Variants in SLC25A6 observed in about 807,000 individuals in gnomAD.
SLC25A6 encodes the protein solute carrier family 25 member 6.
Under a neutral mutation model 25.7 loss-of-function variants are expected in SLC25A6, and 9 were observed. That is an observed-to-expected ratio of 0.35 (90% CI 0.21 to 0.61). The LOEUF is 0.61. Ranked by LOEUF, SLC25A6 falls within the 20% of genes least tolerant of loss-of-function variation. The probability of loss-of-function intolerance (pLI) is 0.76; values close to 1 mark genes in which losing one functional copy is unlikely to be tolerated. For missense variants in SLC25A6, 404 were observed against 440.5 expected, an observed-to-expected ratio of 0.92 and a Z score of 0.74; for synonymous variants, 223 against 197.0, an observed-to-expected ratio of 1.13 and a Z score of -1.11.
At position 1,391,522 on chromosome X, in the gene SLC25A6, G is replaced by A. The variant is rs138754110; in HGVS notation, c.111+377C>T. Among the ~76,000 whole-genome samples the A allele has an allele frequency of 6.0e-4, 92 of 152,344 alleles. 2 individuals are homozygous for A. In the East Asian group the frequency reaches 0.017, roughly 28 times the overall value. ...CTTAGAATTACCCTTCACGGTGGAG[G>A]GAGCAAGAGCAGACACCTGCCAGGC... is the stretch of plus-strand genomic sequence containing the variant. On this transcript the variant is annotated intron_variant, in intron 1 of 3. Coordinates refer to ENST00000381401, the MANE Select transcript of SLC25A6 (RefSeq NM_001636.4).
At chrX:1,391,635 C>A (rs1174939635) in intron 1 of SLC25A6, among the ~76,000 whole-genome samples, 3 of 152,246 alleles carry the variant, frequency 2.0e-5, no homozygotes, top group African/African-American at 4.8e-5. Flanking sequence ...CGTCCATGGG[C>A]CCTGCTCAGC....
intron 2 of SLC25A6, among the ~76,000 whole-genome samples, chrX:1,388,464 T>C (rs1302275350): frequency 2.0e-5 from 3 of 151,692 alleles, no homozygotes; most frequent in African/African-American, 7.3e-5. Flanking sequence ...TGCCCACACC[T>C]GGATCTCAGA....
chrX:1,387,510 G>A, intron 2 of SLC25A6, 91 bp from the exon 3 acceptor site: 5 of 1,551,460 alleles, frequency 3.2e-6, no homozygotes, highest in East Asian at 2.3e-5. Context: ...GGCCCCCTGA[G>A]GTGGTGCCGA....
intron 2 of SLC25A6, among the ~76,000 whole-genome samples, chrX:1,387,701 C>T (rs1173289547): frequency 1.3e-5 from 2 of 152,222 alleles, no homozygotes; most frequent in Non-Finnish European, 2.9e-5. Context: ...GGGCCCTGAC[C>T]TTCTGAAGGG....
chrX:1,387,665 G>A (rs2089343560), intron 2 of SLC25A6, among the ~76,000 whole-genome samples: 1 of 152,228 alleles, frequency 6.6e-6, no homozygotes, highest in Non-Finnish European at 1.5e-5. Context: ...AGAGGCCGGG[G>A]TTAGGCCTGT....
chrX:1,386,478 A>C lies in SLC25A6; in HGVS notation c.*124T>G. On this transcript the variant is annotated 3_prime_UTR_variant, in exon 4 of 4. Coordinates refer to ENST00000381401, the MANE Select transcript of SLC25A6 (RefSeq NM_001636.4). The stretch of plus-strand genomic sequence containing the variant: ...GAGCCTTCCCCGGCCATCTACAGGC[A>C]GGATGCGGCTGGGAAAAAGACAACT... The C allele has an allele frequency of 8.0e-7, 1 of 1,254,174 alleles. No individual in the cohort carries two copies. Among genetic ancestry groups the C allele is most frequent in the East Asian group, 2.8e-5 (1 of 35,348 alleles). The allele number at this position is 1,254,174 out of a possible 1,614,324, so 77.7% of individuals were successfully genotyped here. A position where few individuals can be genotyped will look rare whatever the true frequency, so the allele number is the denominator to read the frequency against.
intron 2 of SLC25A6, among the ~76,000 whole-genome samples, chrX:1,388,353 G>A (rs1861691585): frequency 1.3e-5 from 2 of 148,562 alleles, no homozygotes; most frequent in Non-Finnish European, 3.0e-5. Context: ...CATCAGAAGA[G>A]GACACGAGGA....
intron 2 of SLC25A6, 68 bp downstream of exon 2, chrX:1,389,173 C>G (rs1179531976): frequency 7.4e-5 from 114 of 1,544,784 alleles, no homozygotes; most frequent in Non-Finnish European, 9.9e-5. Flanking sequence ...CTTCAGCCCA[C>G]AGGACCCTGG....
At chrX:1,386,857 C>T (rs2089331779) in intron 3 of SLC25A6, 98 bp from the exon 4 acceptor site, 2 of 1,397,068 alleles carry the variant, frequency 1.4e-6, no homozygotes, top group Non-Finnish European at 2.0e-6. Flanking sequence ...AATAACACCC[C>T]AGACGCCTGA....
Position 1,389,496 on chromosome X carries a change from C to T in SLC25A6, c.343G>A (p.Gly115Ser), listed in dbSNP as rs1336176854. 6.2e-7 allele frequency: 1 copy of T among 1,614,142 alleles called. No individual in the cohort carries two copies. ...KHTQFWRYFAGNLASGGAAGA... is the reference protein window; with the variant it reads ...KHTQFWRYFASNLASGGAAGA... ...GCCGCACCGCCGGAGGCCAGGTTGC[C>T]CGCAAAGTACCTCCAGAACTGCGTG... The change falls in exon 2 of 4, where the codon GGC (glycine) becomes AGC (serine). Residue 115 changes from glycine to serine, a missense_variant. Gly to Ser is a moderately conservative substitution (Grantham distance 56). Transcript: ENST00000381401.
intron 1 of SLC25A6, among the ~76,000 whole-genome samples, chrX:1,390,813 T>G (rs1425402486): frequency 6.7e-6 from 1 of 150,212 alleles, no homozygotes; most frequent in African/African-American, 2.5e-5. Flanking sequence ...CTGCTAAGTT[T>G]AAAACTTTTT....
At chrX:1,390,630 G>A (rs2089390968) in intron 1 of SLC25A6, among the ~76,000 whole-genome samples, 1 of 150,116 alleles carries the variant, frequency 6.7e-6, no homozygotes, top group Non-Finnish European at 1.5e-5. Context: ...ATGTTACTCT[G>A]GCTGGTCTCA....
Position 1,391,956 on chromosome X carries a change from G to A in SLC25A6, c.54C>T (p.Ala18=), listed in dbSNP as rs761440994. ...FAKDFLAGGI[A]AAISKTAVAP... is the part of the protein sequence containing the mutation. ...CCACGGCCGTCTTGGAGATGGCGGCGGCGATGCCTCCGGCCAAGAAGTCTT... is the reference window on the plus strand; with the variant it reads ...CCACGGCCGTCTTGGAGATGGCGGCAGCGATGCCTCCGGCCAAGAAGTCTT... The change falls in exon 1 of 4, where the codon GCC becomes GCT. Residue 18 remains alanine (A), a synonymous_variant. Transcript: ENST00000381401. 2 of 1,609,886 alleles carry A rather than the reference G, an allele frequency of 1.2e-6. No homozygotes were observed. Among genetic ancestry groups the A allele is most frequent in the African/African-American group, 2.7e-5 (2 of 74,758 alleles).
intron 1 of SLC25A6, 54 bp downstream of exon 1, chrX:1,391,845 G>A (rs1235313956): frequency 1.4e-6 from 2 of 1,402,294 alleles, no homozygotes; most frequent in East Asian, 2.5e-5. Flanking sequence ...CGCCCGACCC[G>A]GCCACTCGGT....
intron 1 of SLC25A6, 80 bp downstream of exon 1, chrX:1,391,819 C>G: frequency 8.7e-7 from 1 of 1,144,054 alleles, no homozygotes; most frequent in Non-Finnish European, 1.3e-6. Context: ...CTGCAAGGCT[C>G]TGCTGCCCAC....
intron 2 of SLC25A6, 42 bp from the exon 3 acceptor site, chrX:1,387,461 G>C: frequency 6.2e-7 from 1 of 1,605,462 alleles, no homozygotes; most frequent in Non-Finnish European, 8.5e-7. Flanking sequence ...CGCCTGCACG[G>C]CCACCCGAGA....
chrX:1,391,125 C>T (rs1266263278), intron 1 of SLC25A6, among the ~76,000 whole-genome samples: 1 of 130,488 alleles, frequency 7.7e-6, no homozygotes, highest in Non-Finnish European at 1.6e-5. Context: ...CGTCCTGCTT[C>T]GTTAAGTTAA....
chrX:1,388,670 C>T (rs1369567624), intron 2 of SLC25A6, among the ~76,000 whole-genome samples: 1 of 152,086 alleles, frequency 6.6e-6, no homozygotes, highest in Non-Finnish European at 1.5e-5. Context: ...GAGGAACCAG[C>T]CCTGCCCATG....
chrX:1,386,425 G>C lies in SLC25A6; in HGVS notation c.*177C>G. Reference sequence around the variant, plus strand: ...TCAAGACACGGAATCGGCTGCCGATGGTTGGATCGCAATGCGCCCCTTTTC... The same window carrying C: ...TCAAGACACGGAATCGGCTGCCGATCGTTGGATCGCAATGCGCCCCTTTTC... On this transcript the variant is annotated 3_prime_UTR_variant, in exon 4 of 4. Coordinates refer to ENST00000381401, the MANE Select transcript of SLC25A6 (RefSeq NM_001636.4). 1.2e-6 allele frequency: 1 copy of C among 801,296 alleles called. No homozygotes were observed. The allele number at this position is 801,296 out of a possible 1,614,324, so 49.6% of individuals were successfully genotyped here.
Sources: gnomAD v4.1 joint callset for allele counts (sites outside exome capture counted in the v4.1 genomes callset) on GRCh38, gnomAD v4.1.1 for gene constraint, MANE v1.5 for transcripts, NCBI Gene and HGNC (gene_info 2026-07-23, HGNC 2026-07-21) for gene names.